AHI1: variants seen among roughly 807,000 people sequenced by gnomAD.
The protein encoded by AHI1 is Abelson helper integration site 1, also known as jouberin.
Under a neutral mutation model 149.3 loss-of-function variants are expected in AHI1, and 123 were observed. The observed-to-expected ratio is 0.82, with a 90% CI of 0.71 to 0.96. The LOEUF (loss-of-function observed/expected upper bound fraction) is 0.96, where lower values mean the gene tolerates loss of function less well. Ranked by LOEUF, AHI1 falls within the 40% of genes least tolerant of loss-of-function variation. AHI1 has a pLI of 0.00. For missense variants in AHI1, 1,439 were observed against 1,422.7 expected, an observed-to-expected ratio of 1.01 and a Z score of -0.18; for synonymous variants, 475 against 459.8, an observed-to-expected ratio of 1.03 and a Z score of -0.42.
chr6:135,430,402 T>C (rs76678926), intron 17 of AHI1, among the ~76,000 whole-genome samples: 3,695 of 152,014 alleles, frequency 0.024, 65 homozygotes, highest in East Asian at 0.054. Context: ...TATTCTTATT[T>C]AGATAAGAAT....
chr6:135,428,524 A>T, intron 19 of AHI1, 105 bp downstream of exon 19: 1 of 1,311,754 alleles, frequency 7.6e-7, no homozygotes, highest in Non-Finnish European at 9.9e-7. Context: ...GAAAACCCAA[A>T]ATCAGAATTT....
intron 21 of AHI1, among the ~76,000 whole-genome samples, chr6:135,410,141 C>T (rs1472858609): frequency 6.6e-6 from 1 of 152,164 alleles, no homozygotes; most frequent in Non-Finnish European, 1.5e-5. Context: ...AAGAGCACTG[C>T]TGACTGCTTG....
rs149043581 is a variant in AHI1, at chr6:135,330,117, A to C, written c.3166-6793T>G. On this transcript the variant is annotated intron_variant, in intron 24 of 28. Coordinates refer to ENST00000265602, the MANE Select transcript of AHI1 (RefSeq NM_001134831.2). ...CTTGCTGAAATAACAGAGGATTTAGAATATCACATAAATTTAGTTGATAAA... is the reference window on the plus strand; with the variant it reads ...CTTGCTGAAATAACAGAGGATTTAGCATATCACATAAATTTAGTTGATAAA... Among the ~76,000 whole-genome samples, 781 of 152,342 alleles carry C rather than the reference A, an allele frequency of 5.1e-3. 4 individuals are homozygous for C. Among genetic ancestry groups the C allele is most frequent in the African/African-American group, 0.017 (711 of 41,584 alleles).
rs1490958854 is a variant in AHI1, at chr6:135,371,507, C to T, written c.3110-13320G>A. ...GCCTTTGTTATCATTAATCTTTTCC[C>T]GGGACTTGATAAACCCTTTGACCTG... is the stretch of plus-strand genomic sequence containing the variant. On this transcript the variant is annotated intron_variant, in intron 23 of 28. Coordinates refer to ENST00000265602, the MANE Select transcript of AHI1 (RefSeq NM_001134831.2). 3.9e-5 allele frequency among the ~76,000 whole-genome samples: 6 copies of T among 152,080 alleles called. No homozygotes were observed. The East Asian group carries it at 5.8e-4, about 15-fold the overall frequency.
At chr6:135,329,013 G>A (rs1393632919) in intron 24 of AHI1, among the ~76,000 whole-genome samples, 1 of 152,202 alleles carries the variant, frequency 6.6e-6, no homozygotes, top group Non-Finnish European at 1.5e-5. Flanking sequence ...TGAAGGCTGA[G>A]AAACGTGAGG....
chr6:135,463,145 G>GT lies in AHI1; in HGVS notation c.910dup (p.Thr304AsnfsTer6), dbSNP rs753874898. The stretch of plus-strand genomic sequence containing the variant: ...CAAACCTGCTTTAGTCTTCTTTTTT[G>GT]TTTTTTTTGGTTTAGGTTTTGTATC... On this transcript the variant is annotated frameshift_variant, in exon 8 of 29. Transcript: ENST00000265602. LOFTEE classifies it high-confidence loss of function. 133 of 1,559,732 alleles carry GT rather than the reference G, an allele frequency of 8.5e-5. No individual in the cohort carries two copies. Among genetic ancestry groups the GT allele is most frequent in the Middle Eastern group, 3.5e-4 (2 of 5,642 alleles).
At chr6:135,297,358 C>T (rs1283309711) in intron 27 of AHI1, 3 of 451,832 alleles carry the variant, frequency 6.6e-6, no homozygotes, top group Non-Finnish European at 1.3e-5. Flanking sequence ...TAGCCGTATG[C>T]TCCTTTAAAC....
At chr6:135,484,886 C>G (rs1342708466) in intron 5 of AHI1, among the ~76,000 whole-genome samples, 1 of 152,026 alleles carries the variant, frequency 6.6e-6, no homozygotes, top group Non-Finnish European at 1.5e-5. Context: ...AACAGAATAT[C>G]TTTCCACACT....
chr6:135,460,057 C>T (rs1789626073), intron 8 of AHI1, among the ~76,000 whole-genome samples: 1 of 151,974 alleles, frequency 6.6e-6, no homozygotes, highest in Admixed American at 6.6e-5. Context: ...GTGGTGCATG[C>T]CTGTAGTCCC....
In AHI1 at chr6:135,395,264, T is replaced by C. The variant is rs751504328; in HGVS notation, c.2989-368A>G. 9.9e-4 allele frequency among the ~76,000 whole-genome samples: 150 copies of C among 152,058 alleles called. 2 individuals carry two copies. The highest frequency in any genetic ancestry group is 6.8e-3 in the Middle Eastern group (2 of 294). On this transcript the variant is annotated intron_variant, in intron 22 of 28. Transcript: ENST00000265602. Reference sequence around the variant, plus strand: ...AAAATGTTTCATATTCACATTTCCCTAGCATTTTAGTGAAATAGCAAGTAC... The same window carrying C: ...AAAATGTTTCATATTCACATTTCCCCAGCATTTTAGTGAAATAGCAAGTAC...
chr6:135,357,442 A>G (rs963171468), intron 24 of AHI1, among the ~76,000 whole-genome samples: 7 of 152,250 alleles, frequency 4.6e-5, no homozygotes, highest in African/African-American at 1.7e-4. Flanking sequence ...ACCAAAATCC[A>G]AAACACTTCT....
chr6:135,367,172 C>T lies in AHI1; in HGVS notation c.3110-8985G>A, dbSNP rs527420304. On this transcript the variant is annotated intron_variant, in intron 23 of 28. Coordinates refer to ENST00000265602, the MANE Select transcript of AHI1 (RefSeq NM_001134831.2). Reference sequence around the variant, plus strand: ...TGGCTGATGATTGTTTTGTTTAAGGCGGCTAAAGATAGGACCCCAATCCCT... The same window carrying T: ...TGGCTGATGATTGTTTTGTTTAAGGTGGCTAAAGATAGGACCCCAATCCCT... Among the ~76,000 whole-genome samples the T allele has an allele frequency of 1.6e-4, 25 of 152,168 alleles. No homozygotes were observed. The South Asian group carries it at 3.5e-3, about 21-fold the overall frequency.
chr6:135,420,223 G>C (rs1782957303), intron 20 of AHI1, among the ~76,000 whole-genome samples: 1 of 152,138 alleles, frequency 6.6e-6, no homozygotes, highest in Admixed American at 6.6e-5. Context: ...TATGAATCAT[G>C]AATGTTCTTA....
At position 135,428,681 on chromosome 6, in the gene AHI1, A is replaced by C. The variant is rs777787792; in HGVS notation, c.2571T>G (p.Phe857Leu). Residue 857 changes from phenylalanine (F) to leucine (L), a missense_variant, in exon 19 of 29, where the codon TTT (phenylalanine) becomes TTG (leucine). Phe to Leu is a conservative substitution (Grantham distance 22, BLOSUM62 0). Coordinates refer to ENST00000265602, the MANE Select transcript of AHI1 (RefSeq NM_001134831.2). Reference sequence around the variant, plus strand: ...TACCATCCTCACTTCCAGCAAACAGAAAAGTCCCACATGGAGTCAAAGTAC... The same window carrying C: ...TACCATCCTCACTTCCAGCAAACAGCAAAGTCCCACATGGAGTCAAAGTAC... ...IHSTLTPCGT[F>L]LFAGSEDGIV... is the part of the protein sequence containing the mutation. 27 of 1,609,252 alleles carry C rather than the reference A, an allele frequency of 1.7e-5. No individual in the cohort carries two copies. Among genetic ancestry groups the C allele is most frequent in the Non-Finnish European group, 2.1e-5 (25 of 1,177,230 alleles).
In AHI1 at chr6:135,340,665, A is replaced by ATATATATATATG. The variant is rs1218993257; in HGVS notation, c.3166-17342_3166-17341insCATATATATATA. 1.1e-3 allele frequency among the ~76,000 whole-genome samples: 122 copies of ATATATATATATG among 107,862 alleles called. 1 individual carries two copies. The highest frequency in any genetic ancestry group is 1.8e-3 in the Non-Finnish European group (103 of 56,064). 70.8% of individuals were successfully genotyped at this position (107,862 alleles called of 152,430 possible). A position where few individuals can be genotyped will look rare whatever the true frequency, so the allele number is the denominator to read the frequency against. On this transcript the variant is annotated intron_variant, in intron 24 of 28. Coordinates refer to ENST00000265602, the MANE Select transcript of AHI1 (RefSeq NM_001134831.2). ...CATATATATACATACATACATATAT[A>ATATATATATATG]TATATATATATATATATATATATAT...
chr6:135,428,237 T>C (rs1372282125), intron 19 of AHI1, among the ~76,000 whole-genome samples: 1 of 151,662 alleles, frequency 6.6e-6, no homozygotes. Flanking sequence ...CACAGGTATG[T>C]TTCCGTTACT....
rs950072719 is a variant in AHI1 at position 135,316,735 on chromosome 6, C to T, written c.3426+1784G>A. On this transcript the variant is annotated intron_variant, in intron 26 of 28. Coordinates refer to ENST00000265602, the MANE Select transcript of AHI1 (RefSeq NM_001134831.2). ...GGGCTCTGCCTTCATTACAAGCTTC[C>T]ACTTACTGATATAATAGAACTAACA... Among the ~76,000 whole-genome samples the T allele has an allele frequency of 9.2e-5, 14 of 152,172 alleles. 1 individual carries two copies. The highest frequency in any genetic ancestry group is 7.2e-4 in the Admixed American group (11 of 15,278).
At chr6:135,297,975 A>G (rs1783350103) in intron 27 of AHI1, among the ~76,000 whole-genome samples, 1 of 152,206 alleles carries the variant, frequency 6.6e-6, no homozygotes, top group African/African-American at 2.4e-5. Flanking sequence ...GATTAACTAT[A>G]TGAATTAACC....
chr6:135,316,786 C>T lies in AHI1; in HGVS notation c.3426+1733G>A, dbSNP rs1562487447. On this transcript the variant is annotated intron_variant, in intron 26 of 28. Transcript: ENST00000265602. ...CACTAATTCTCATTTGATTTTGAAG[C>T]TCTACATTCTCTCAAATTCCAATCC... 1.3e-5 allele frequency among the ~76,000 whole-genome samples: 2 copies of T among 152,054 alleles called. 1 individual carries two copies. The highest frequency in any genetic ancestry group is 3.9e-4 in the East Asian group (2 of 5,184).
Sources: gnomAD v4.1 joint callset for allele counts (sites outside exome capture counted in the v4.1 genomes callset) on GRCh38, gnomAD v4.1.1 for gene constraint, MANE v1.5 for transcripts, NCBI Gene and HGNC (gene_info 2026-07-23, HGNC 2026-07-21) for gene names.